CACNB2: variants seen among roughly 807,000 people sequenced by gnomAD.
CACNB2 encodes calcium voltage-gated channel auxiliary subunit beta 2, also known as voltage-dependent L-type calcium channel subunit beta-2.
Under a neutral mutation model 73.3 loss-of-function variants are expected in CACNB2, and 42 were observed. The ratio of observed to expected loss-of-function variants is 0.57; its 90% CI spans 0.45 to 0.74. The LOEUF is 0.74. CACNB2 is among the 30% of genes least tolerant of loss of function. The pLI, the probability that CACNB2 is intolerant of heterozygous loss-of-function variation, is 0.00. For synonymous variants in CACNB2, 348 were observed against 310.3 expected (o/e 1.12, Z -1.28); for missense variants, 940 against 853.0 (o/e 1.10, Z -1.27).
At chr10:18,374,940 T>C (rs2042733165) in intron 2 of CACNB2, among the ~76,000 whole-genome samples, 1 of 152,072 alleles carries the variant, frequency 6.6e-6, no homozygotes, top group Non-Finnish European at 1.5e-5. Flanking sequence ...ACAGGGTACT[T>C]TAGTAAAAGC....
intron 2 of CACNB2, among the ~76,000 whole-genome samples, chr10:18,243,964 G>A (rs2036763863): frequency 6.6e-6 from 1 of 152,218 alleles, no homozygotes; most frequent in African/African-American, 2.4e-5. Context: ...TGGAAACCTA[G>A]CTATGTCTCT....
intron 2 of CACNB2, among the ~76,000 whole-genome samples, chr10:18,257,990 C>T (rs1466565388): frequency 6.6e-6 from 1 of 152,154 alleles, no homozygotes; most frequent in Non-Finnish European, 1.5e-5. Context: ...GTGATCTGCC[C>T]ACCTGGGCCT....
intron 3 of CACNB2, among the ~76,000 whole-genome samples, chr10:18,492,340 G>A (rs1466029936): frequency 3.3e-5 from 5 of 152,164 alleles, no homozygotes; most frequent in Non-Finnish European, 7.3e-5. Context: ...GGAAAACCTG[G>A]CCGGGCGTGG....
chr10:18,406,868 GT>G (rs1309423085), intron 3 of CACNB2, among the ~76,000 whole-genome samples: 1 of 152,120 alleles, frequency 6.6e-6, no homozygotes, highest in Non-Finnish European at 1.5e-5. Flanking sequence ...AAAGAGGGAA[GT>G]AAAGAAGAGA....
At chr10:18,491,440 T>G (rs2049418123) in intron 3 of CACNB2, among the ~76,000 whole-genome samples, 1 of 152,056 alleles carries the variant, frequency 6.6e-6, no homozygotes, top group Non-Finnish European at 1.5e-5. Context: ...AAATAAAAAT[T>G]AGCTGGGCAT....
chr10:18,281,979 CAAAAAAAAAAA>C (rs10542258), intron 2 of CACNB2, among the ~76,000 whole-genome samples: 1 of 69,990 alleles, frequency 1.4e-5, no homozygotes, highest in African/African-American at 6.1e-5. Flanking sequence ...GACTCCATCT[CAAAAAAAAAAA>C]AAAAAAAAAA....
chr10:18,283,899 A>T (rs897530319), intron 2 of CACNB2, among the ~76,000 whole-genome samples: 1 of 152,202 alleles, frequency 6.6e-6, no homozygotes, highest in African/African-American at 2.4e-5. Context: ...AATACTAACC[A>T]TTAATATGCA....
intron 2 of CACNB2, among the ~76,000 whole-genome samples, chr10:18,392,973 C>T (rs919973971): frequency 1.3e-5 from 2 of 152,072 alleles, no homozygotes; most frequent in African/African-American, 4.8e-5. Context: ...CTTTGGGAGG[C>T]CGAGGCAGGT....
At chr10:18,382,130 T>A (rs545449103) in intron 2 of CACNB2, among the ~76,000 whole-genome samples, 1 of 152,160 alleles carries the variant, frequency 6.6e-6, no homozygotes, top group African/African-American at 2.4e-5. Context: ...CACCGAAGAA[T>A]GCTAAAAATT....
intron 3 of CACNB2, among the ~76,000 whole-genome samples, chr10:18,487,551 G>T (rs2049128927): frequency 6.6e-6 from 1 of 152,242 alleles, no homozygotes; most frequent in South Asian, 2.1e-4. Context: ...TGAGTGATTT[G>T]TGGAGGGGCG....
rs563990105 is a variant in CACNB2 at position 18,534,854 on chromosome 10, C to A, written c.1206+627C>A. On this transcript the variant is annotated intron_variant, in intron 11 of 13. Coordinates refer to ENST00000324631, the MANE Select transcript of CACNB2 (RefSeq NM_201596.3). Reference sequence around the variant, plus strand: ...CATAGAATACCATTTTTATCTCAAACAACAACTGACAGGCTATGCTTATTC... The same window carrying A: ...CATAGAATACCATTTTTATCTCAAAAAACAACTGACAGGCTATGCTTATTC... Among the ~76,000 whole-genome samples, 179 of 152,318 alleles carry A rather than the reference C, an allele frequency of 1.2e-3. 1 individual carries two copies. The highest frequency in any genetic ancestry group is 2.1e-3 in the Non-Finnish European group (141 of 68,016).
At chr10:18,407,741 C>T (rs963951735) in intron 3 of CACNB2, among the ~76,000 whole-genome samples, 7 of 152,028 alleles carry the variant, frequency 4.6e-5, no homozygotes, top group Non-Finnish European at 1.0e-4. Context: ...CTGAATTTTT[C>T]TCAACTTCTA....
At chr10:18,148,351 G>A (rs984627102) in intron 1 of CACNB2, among the ~76,000 whole-genome samples, 1 of 152,070 alleles carries the variant, frequency 6.6e-6, no homozygotes, top group Non-Finnish European at 1.5e-5. Context: ...TAGTTGTTTG[G>A]TGTATAAACT....
intron 2 of CACNB2, among the ~76,000 whole-genome samples, chr10:18,313,025 T>C (rs1282583653): frequency 6.6e-6 from 1 of 152,160 alleles, no homozygotes. Context: ...TTGAACAGGA[T>C]GATTGAAGCA....
intron 3 of CACNB2, among the ~76,000 whole-genome samples, chr10:18,457,227 A>G (rs368807175): frequency 3.9e-5 from 6 of 152,106 alleles, no homozygotes; most frequent in African/African-American, 1.4e-4. Context: ...GGTAACCAGG[A>G]CTACAGACAT....
At chr10:18,464,949 G>A (rs2047795282) in intron 3 of CACNB2, among the ~76,000 whole-genome samples, 1 of 152,242 alleles carries the variant, frequency 6.6e-6, no homozygotes, top group Non-Finnish European at 1.5e-5. Context: ...AGATGGGAAG[G>A]CCAGGCTTTG....
intron 3 of CACNB2, among the ~76,000 whole-genome samples, chr10:18,430,149 C>T (rs993519744): frequency 2.1e-5 from 3 of 142,354 alleles, no homozygotes; most frequent in African/African-American, 5.2e-5. Flanking sequence ...AAAAAAGGGA[C>T]ATATTACCTA....
chr10:18,392,130 G>A (rs12250187), intron 2 of CACNB2, among the ~76,000 whole-genome samples: 5,053 of 152,058 alleles, frequency 0.033, 304 homozygotes, highest in African/African-American at 0.12. Context: ...GGAGGAGAGT[G>A]TCTGGTACCT....
intron 3 of CACNB2, among the ~76,000 whole-genome samples, chr10:18,429,823 A>AC (rs2045793243): frequency 1.3e-5 from 2 of 151,570 alleles, no homozygotes; most frequent in African/African-American, 4.8e-5. Context: ...AAAAAAAAAA[A>AC]AAACAAATTA....
Sources: gnomAD v4.1 joint callset for allele counts (sites outside exome capture counted in the v4.1 genomes callset) on GRCh38, gnomAD v4.1.1 for gene constraint, MANE v1.5 for transcripts, NCBI Gene and HGNC (gene_info 2026-07-23, HGNC 2026-07-21) for gene names.